ZNF491: variants seen among roughly 807,000 people sequenced by gnomAD.
ZNF491 encodes the protein zinc finger protein 491.
A neutral mutation model predicts 34.7 loss-of-function variants in ZNF491; 22 were observed. That is an observed-to-expected ratio of 0.63 (90% CI 0.45 to 0.90). The LOEUF (loss-of-function observed/expected upper bound fraction) is 0.90. Ranked by LOEUF, ZNF491 falls within the 40% of genes least tolerant of loss-of-function variation. The pLI is 0.00. For missense variants in ZNF491, 559 were observed against 531.7 expected, an observed-to-expected ratio of 1.05 and a Z score of -0.51; for synonymous variants, 148 against 174.3, an observed-to-expected ratio of 0.85 and a Z score of 1.19.
chr19:11,804,419 T>A (rs1975588158), intron 1 of ZNF491, 123 bp from the exon 2 acceptor site: 1 of 1,288,398 alleles, frequency 7.8e-7, no homozygotes, highest in East Asian at 3.5e-5. Flanking sequence ...AGAGGTCTGA[T>A]GACAGAGGCA....
At chr19:11,803,820 C>T (rs747948511) in intron 1 of ZNF491, among the ~76,000 whole-genome samples, 9 of 152,186 alleles carry the variant, frequency 5.9e-5, no homozygotes, top group Non-Finnish European at 1.0e-4. Context: ...CCTTTCCATA[C>T]TCTGTTCTTT....
rs373842039 is a variant in ZNF491 at position 11,806,018 on chromosome 19, C to T, written c.65C>T (p.Pro22Leu). 76 of 1,612,878 alleles carry T rather than the reference C, an allele frequency of 4.7e-5. 2 individuals are homozygous for T. In the East Asian group the frequency reaches 5.1e-4, roughly 11 times the overall value. ...SQCGETFTQV[P>L]EDMLNKKTLP... Reference sequence around the variant, plus strand: ...TGTGGAGAAACTTTCACCCAGGTTCCGGAAGACATGCTGAACAAGAAAACT... The same window carrying T: ...TGTGGAGAAACTTTCACCCAGGTTCTGGAAGACATGCTGAACAAGAAAACT... Residue 22 changes from proline (P) to leucine (L), a missense_variant, in exon 3 of 3, where the codon CCG (proline) becomes CTG (leucine). Transcript: ENST00000323169.
intron 1 of ZNF491, among the ~76,000 whole-genome samples, chr19:11,800,696 T>C (rs1260441302): frequency 1.3e-5 from 2 of 152,082 alleles, no homozygotes; most frequent in Non-Finnish European, 2.9e-5. Flanking sequence ...GATTTTTGTA[T>C]TTTTAGTAGA....
chr19:11,807,473 T>C lies in ZNF491; in HGVS notation c.*206T>C. 1 of 451,340 alleles carries C rather than the reference T, an allele frequency of 2.2e-6. No homozygotes were observed. The highest frequency in any genetic ancestry group is 6.8e-5 in the South Asian group (1 of 14,734). 28.0% of individuals were successfully genotyped at this position (451,340 alleles called of 1,614,324 possible). ...TTACATATGATTTCGAAGGCAGACA[T>C]GAGGAAGGCCTTAGTCACATTTTAG... On this transcript the variant is annotated 3_prime_UTR_variant, in exon 3 of 3. Coordinates refer to ENST00000323169, the MANE Select transcript of ZNF491 (RefSeq NM_152356.4).
intron 1 of ZNF491, among the ~76,000 whole-genome samples, chr19:11,800,176 C>T (rs1975543565): frequency 6.6e-6 from 1 of 152,000 alleles, no homozygotes; most frequent in Non-Finnish European, 1.5e-5. Flanking sequence ...CTCTAAACTC[C>T]CTTAGAAGGG....
chr19:11,807,949 C>G lies in ZNF491; in HGVS notation c.*682C>G, dbSNP rs1248497566. 1.8e-5 allele frequency: 3 copies of G among 167,150 alleles called. No homozygotes were observed. Among genetic ancestry groups the G allele is most frequent in the African/African-American group, 7.2e-5 (3 of 41,472 alleles). The allele number at this position is 167,150 out of a possible 1,614,324, so 10.4% of individuals were successfully genotyped here. On this transcript the variant is annotated 3_prime_UTR_variant, in exon 3 of 3. Coordinates refer to ENST00000323169, the MANE Select transcript of ZNF491 (RefSeq NM_152356.4). ...CTCTCATGTGAGAAGGAACACCTTG[C>G]TCTGGTCAGGAAATGTCCAGTGTTT...
At chr19:11,800,155 G>A (rs1975543389) in intron 1 of ZNF491, among the ~76,000 whole-genome samples, 1 of 151,988 alleles carries the variant, frequency 6.6e-6, no homozygotes, top group Non-Finnish European at 1.5e-5. Context: ...TATCAGGTTT[G>A]GGGGAATTTT....
intron 2 of ZNF491, 110 bp from the exon 3 acceptor site, chr19:11,805,837 A>G (rs1239064174): frequency 2.2e-6 from 2 of 924,032 alleles, no homozygotes; most frequent in Middle Eastern, 3.4e-4. Context: ...ACAGAGTGAG[A>G]CTTTGTACCA....
rs781677017 is a variant in ZNF491 at position 11,807,167 on chromosome 19, A to C, written c.1214A>C (p.His405Pro). The C allele has an allele frequency of 6.2e-7, 1 of 1,609,496 alleles. No individual in the cohort carries two copies. The highest frequency in any genetic ancestry group is 8.5e-7 in the Non-Finnish European group (1 of 1,178,300). Residue 405 changes from histidine to proline, a missense_variant, in exon 3 of 3, where the codon CAC (histidine) becomes CCC (proline). By Grantham distance (77) the His-to-Pro change is moderately conservative. Coordinates refer to ENST00000323169, the MANE Select transcript of ZNF491 (RefSeq NM_152356.4). Reference sequence around the variant, plus strand: ...TATATTAGAATACATGAAAGAATTCACACTGGAGAGAAACCTTACCAATGT... The same window carrying C: ...TATATTAGAATACATGAAAGAATTCCCACTGGAGAGAAACCTTACCAATGT... ...SIYIRIHERI[H>P]TGEKPYQCKE...
chr19:11,804,505 C>T, intron 1 of ZNF491, 37 bp from the exon 2 acceptor site: 4 of 1,500,180 alleles, frequency 2.7e-6, no homozygotes, highest in African/African-American at 1.5e-5. Context: ...TGCTGTCACT[C>T]TCACCCATCC....
In ZNF491 at chr19:11,806,451, A is replaced by T; in HGVS notation, c.498A>T (p.Lys166Asn). The T allele has an allele frequency of 6.2e-7, 1 of 1,613,494 alleles. No homozygotes were observed. The highest frequency in any genetic ancestry group is 1.1e-5 in the South Asian group (1 of 90,980). ...GATATGAATGTAAACAATGTGGTAAAGCCTTCAGTTGGCACAGTTCTGTTC... is the reference window on the plus strand; with the variant it reads ...GATATGAATGTAAACAATGTGGTAATGCCTTCAGTTGGCACAGTTCTGTTC... ...EKRYECKQCG[K>N]AFSWHSSVRI... Residue 166 changes from lysine (K) to asparagine (N), a missense_variant, in exon 3 of 3, where the codon AAA becomes AAT. Coordinates refer to ENST00000323169, the MANE Select transcript of ZNF491 (RefSeq NM_152356.4).
chr19:11,806,261 T>C lies in ZNF491; in HGVS notation c.308T>C (p.Phe103Ser), dbSNP rs778256006. 1 of 1,607,928 alleles carries C rather than the reference T, an allele frequency of 6.2e-7. No individual in the cohort carries two copies. Among genetic ancestry groups the C allele is most frequent in the Admixed American group, 1.7e-5 (1 of 58,136 alleles). Residue 103 changes from phenylalanine (F) to serine (S), a missense_variant, in exon 3 of 3, where the codon TTT (phenylalanine) becomes TCT (serine). Transcript: ENST00000323169. Reference sequence around the variant, plus strand: ...AGGCCTCACACTAGAGAGAAACCTTTTGATTGTAAGGAATGTGAAAAATCT... The same window carrying C: ...AGGCCTCACACTAGAGAGAAACCTTCTGATTGTAAGGAATGTGAAAAATCT... Reference protein sequence around the residue: ...HERPHTREKPFDCKECEKSFI... With the variant: ...HERPHTREKPSDCKECEKSFI...
At chr19:11,799,951 G>A (rs1386759323) in intron 1 of ZNF491, among the ~76,000 whole-genome samples, 1 of 152,060 alleles carries the variant, frequency 6.6e-6, no homozygotes. Flanking sequence ...AATTAGTCAG[G>A]TATGATGGCC....
Position 11,807,275 on chromosome 19 carries a change from G to A in ZNF491, c.*8G>A. ...CACACTATTAATATATGAGAGAAAT[G>A]CTATTTTTTAATTTTTATTTTAATA... On this transcript the variant is annotated 3_prime_UTR_variant, in exon 3 of 3. Transcript: ENST00000323169. 6.7e-7 allele frequency: 1 copy of A among 1,488,758 alleles called. No homozygotes were observed. The highest frequency in any genetic ancestry group is 2.3e-5 in the East Asian group (1 of 43,610). The allele number at this position is 1,488,758 out of a possible 1,614,324, so 92.2% of individuals were successfully genotyped here. A position where few individuals can be genotyped will look rare whatever the true frequency, so the allele number is the denominator to read the frequency against.
In ZNF491 at chr19:11,806,851, A is replaced by G; in HGVS notation, c.898A>G (p.Lys300Glu). The change falls in exon 3 of 3, where the codon AAA (lysine) becomes GAA (glutamate). Residue 300 changes from lysine to glutamate, a missense_variant. Physicochemically the swap from Lys to Glu is moderately conservative, Grantham distance 56. Transcript: ENST00000323169. ...ERSHTGEKPYKCKQCGKAFTC... is the reference protein window; with the variant it reads ...ERSHTGEKPYECKQCGKAFTC... ...AAGTCACACTGGAGAGAAACCCTAC[A>G]AATGCAAGCAATGTGGGAAAGCCTT... The G allele has an allele frequency of 6.2e-7, 1 of 1,609,112 alleles. No individual in the cohort carries two copies. Among genetic ancestry groups the G allele is most frequent in the Non-Finnish European group, 8.5e-7 (1 of 1,178,008 alleles).
intron 1 of ZNF491, among the ~76,000 whole-genome samples, chr19:11,800,515 C>CTT (rs529515412): frequency 3.5e-4 from 43 of 123,780 alleles, no homozygotes; most frequent in East Asian, 6.8e-4. Flanking sequence ...ATAAGGAAAA[C>CTT]TTTTTTTTTT....
In ZNF491 at chr19:11,807,619, G is replaced by A. The variant is rs1236628202; in HGVS notation, c.*352G>A. 1 of 214,892 alleles carries A rather than the reference G, an allele frequency of 4.7e-6. No homozygotes were observed. The highest frequency in any genetic ancestry group is 5.4e-5 in the Admixed American group (1 of 18,530). The allele number at this position is 214,892 out of a possible 1,614,324, so 13.3% of individuals were successfully genotyped here. A position where few individuals can be genotyped will look rare whatever the true frequency, so the allele number is the denominator to read the frequency against. On this transcript the variant is annotated 3_prime_UTR_variant, in exon 3 of 3. Transcript: ENST00000323169. ...TGACTTTCCTTTTTTCAGAGGTGTA[G>A]GTTTCCAAAGATGTCCCCAGAAGCT...
chr19:11,807,299 T>A lies in ZNF491; in HGVS notation c.*32T>A, dbSNP rs941293293. The A allele has an allele frequency of 1.4e-6, 2 of 1,459,058 alleles. No homozygotes were observed. The highest frequency in any genetic ancestry group is 9.1e-7 in the Non-Finnish European group (1 of 1,097,518). The allele number at this position is 1,459,058 out of a possible 1,614,324, so 90.4% of individuals were successfully genotyped here. ...TGCTATTTTTTAATTTTTATTTTAA[T>A]AGAGACAGGGTCTCACTATCTTGTC... On this transcript the variant is annotated 3_prime_UTR_variant, in exon 3 of 3. Coordinates refer to ENST00000323169, the MANE Select transcript of ZNF491 (RefSeq NM_152356.4).
Position 11,806,981 on chromosome 19 carries a change from G to A in ZNF491, c.1028G>A (p.Arg343Gln), listed in dbSNP as rs368005368. 16 of 1,612,628 alleles carry A rather than the reference G, an allele frequency of 9.9e-6. No homozygotes were observed. Among genetic ancestry groups the A allele is most frequent in the South Asian group, 4.4e-5 (4 of 90,884 alleles). ...GCCTTCAGATCTGCCAAGTACATTCGAATACATGGAAGGACTCACACTGGT... is the reference window on the plus strand; with the variant it reads ...GCCTTCAGATCTGCCAAGTACATTCAAATACATGGAAGGACTCACACTGGT... ...GKAFRSAKYIRIHGRTHTGEK... is the reference protein window; with the variant it reads ...GKAFRSAKYIQIHGRTHTGEK... Residue 343 changes from arginine (R) to glutamine (Q), a missense_variant, in exon 3 of 3, where the codon CGA becomes CAA. By Grantham distance (43) the Arg-to-Gln change is conservative (BLOSUM62 1). Transcript: ENST00000323169.
Sources: allele counts gnomAD v4.1 joint callset (sites outside exome capture counted in the v4.1 genomes callset), GRCh38; gene constraint gnomAD v4.1.1; transcripts MANE v1.5; gene names NCBI Gene and HGNC (gene_info 2026-07-23, HGNC 2026-07-21).